Variants in GAK observed in about 807,000 individuals in gnomAD.
GAK encodes the protein cyclin-G-associated kinase.
In GAK, 79 loss-of-function variants were observed where a neutral mutation model predicts 143.9. The ratio of observed to expected loss-of-function variants is 0.55; its 90% CI spans 0.46 to 0.66. GAK has a LOEUF of 0.66. Among genes scored for constraint, GAK ranks in the 30% least tolerant of loss-of-function variants. The pLI is 0.00. For synonymous variants in GAK, 881 were observed against 765.5 expected, an observed-to-expected ratio of 1.15 and a Z score of -2.49; for missense variants, 1,693 against 1,779.7, an observed-to-expected ratio of 0.95 and a Z score of 0.88.
chr4:859,137 G>T (rs1560286977), intron 24 of GAK: 3 of 982,616 alleles, frequency 3.1e-6, no homozygotes, highest in Non-Finnish European at 3.6e-6. Context: ...CCCGGGGCCG[G>T]GCCTGAGGCA....
At chr4:898,677 C>T (rs971853157) in intron 5 of GAK, among the ~76,000 whole-genome samples, 15 of 152,288 alleles carry the variant, frequency 9.8e-5, no homozygotes, top group African/African-American at 3.6e-4. Context: ...GCCTGACCAA[C>T]ATGGTAAAAC....
intron 1 of GAK, among the ~76,000 whole-genome samples, chr4:925,811 G>A (rs1162870179): frequency 6.6e-6 from 1 of 152,238 alleles, no homozygotes; most frequent in African/African-American, 2.4e-5. Context: ...GCAGAGCCGT[G>A]AGGAATAAAC....
intron 20 of GAK, among the ~76,000 whole-genome samples, chr4:868,253 C>T (rs541576274): frequency 6.6e-6 from 1 of 152,276 alleles, no homozygotes; most frequent in South Asian, 2.1e-4. Flanking sequence ...CCAGCATGGC[C>T]CATGCTGCCA....
rs187173026 is a variant in GAK, at chr4:910,001, G to C, written c.382+1672C>G. Among the ~76,000 whole-genome samples, 331 of 152,154 alleles carry C rather than the reference G, an allele frequency of 2.2e-3. 2 individuals are homozygous for C. Among genetic ancestry groups the C allele is most frequent in the African/African-American group, 7.6e-3 (317 of 41,522 alleles). On this transcript the variant is annotated intron_variant, in intron 4 of 27. Coordinates refer to ENST00000314167, the MANE Select transcript of GAK (RefSeq NM_005255.4). ...CGCCACCCACGTCAGGACAACCCTGGCAACAGGCGCTGGAGGGCCGCAGAG... is the reference window on the plus strand; with the variant it reads ...CGCCACCCACGTCAGGACAACCCTGCCAACAGGCGCTGGAGGGCCGCAGAG...
rs1373426072 is a variant in GAK at position 883,314 on chromosome 4, C to T, written c.1404+1G>A. 3 of 1,613,004 alleles carry T rather than the reference C, an allele frequency of 1.9e-6. No homozygotes were observed. The highest frequency in any genetic ancestry group is 2.5e-6 in the Non-Finnish European group (3 of 1,179,878). The stretch of plus-strand genomic sequence containing the variant: ...CCAAGACAAAGCCTGTGGCCACACA[C>T]CCGGTTGTGGAACCTGGAGGGCCGG... On this transcript the variant is annotated splice_donor_variant, in intron 13 of 27. Transcript: ENST00000314167. LOFTEE classifies it high-confidence loss of function.
intron 4 of GAK, among the ~76,000 whole-genome samples, chr4:910,223 A>C (rs1009116767): frequency 2.6e-5 from 4 of 152,052 alleles, no homozygotes; most frequent in African/African-American, 7.2e-5. Flanking sequence ...CTTACACCCC[A>C]CAGTCCACCC....
chr4:914,413 C>CCA (rs1376191642), intron 1 of GAK, among the ~76,000 whole-genome samples: 3 of 120,034 alleles, frequency 2.5e-5, no homozygotes, highest in Admixed American at 8.2e-5. Flanking sequence ...ACACAGAGCC[C>CCA]CACACACACA....
chr4:872,348 C>G (rs1010941314), intron 18 of GAK: 4 of 152,272 alleles, frequency 2.6e-5, no homozygotes, highest in Non-Finnish European at 5.9e-5. Flanking sequence ...CTGATGTGCA[C>G]TCCAGCCGGG....
intron 24 of GAK, among the ~76,000 whole-genome samples, chr4:855,328 A>G (rs1257579926): frequency 1.3e-5 from 2 of 149,578 alleles, no homozygotes; most frequent in Non-Finnish European, 3.0e-5. Flanking sequence ...CTAAATGTTT[A>G]TTTTTTCTAA....
At chr4:908,964 C>T (rs904147046) in intron 4 of GAK, among the ~76,000 whole-genome samples, 2 of 152,096 alleles carry the variant, frequency 1.3e-5, no homozygotes, top group Admixed American at 1.3e-4. Flanking sequence ...CTCAGCCTCC[C>T]GAGTAGCTGG....
intron 5 of GAK, among the ~76,000 whole-genome samples, chr4:900,484 C>T (rs546442552): frequency 3.9e-4 from 59 of 152,340 alleles, no homozygotes; most frequent in African/African-American, 1.4e-3. Context: ...CCTTCTGTTT[C>T]TGTTCTCCTT....
chr4:851,455 C>G, intron 25 of GAK: 1 of 529,350 alleles, frequency 1.9e-6, no homozygotes, highest in South Asian at 2.3e-5. Context: ...CCCCCGGGAA[C>G]AGGGCTACCA....
Position 876,936 on chromosome 4 carries a change from G to T in GAK, c.1974+154C>A, listed in dbSNP as rs532298168. Among the ~76,000 whole-genome samples, 325 of 152,368 alleles carry T rather than the reference G, an allele frequency of 2.1e-3. 2 individuals are homozygous for T. Among genetic ancestry groups the T allele is most frequent in the Admixed American group, 4.6e-3 (70 of 15,314 alleles). The stretch of plus-strand genomic sequence containing the variant: ...GTCAAGTGCACGGGGCAAGCAGGGG[G>T]CGCTGTGGGGCAGTCGCCACATGAG... On this transcript the variant is annotated intron_variant, in intron 17 of 27. Coordinates refer to ENST00000314167, the MANE Select transcript of GAK (RefSeq NM_005255.4).
At position 859,611 on chromosome 4, in the gene GAK, A is replaced by G; in HGVS notation, c.3278T>C (p.Leu1093Pro). The change falls in exon 24 of 28, where the codon CTC becomes CCC. Residue 1093 changes from leucine (L) to proline (P), a missense_variant. Leu to Pro is a moderately conservative substitution (Grantham distance 98). Around this residue, in one of 2 missense-constraint regions of GAK, gnomAD observed 822 missense variants for 788.7 expected, o/e 1.04. Transcript: ENST00000314167. ...FADLGDLSSG[L>P]QGSPAGFPPG... Reference sequence around the variant, plus strand: ...CAAAGTGCCCTCCACGTTACCTTGGAGGCCGGAGCTGAGGTCGCCAAGGTC... The same window carrying G: ...CAAAGTGCCCTCCACGTTACCTTGGGGGCCGGAGCTGAGGTCGCCAAGGTC... 1 of 1,596,168 alleles carries G rather than the reference A, an allele frequency of 6.3e-7. No individual in the cohort carries two copies. Among genetic ancestry groups the G allele is most frequent in the Non-Finnish European group, 8.6e-7 (1 of 1,165,090 alleles).
Position 893,404 on chromosome 4 carries a change from G to C in GAK, c.963C>G (p.Asn321Lys). ...CTGTGATGGGAGACTTGGGGTTCAC[G>C]TTGCGGGCGGCCGCGATCTCCTGCA... is the stretch of plus-strand genomic sequence containing the variant. ...HQLQEIAAAR[N>K]VNPKSPITEL... is the part of the protein sequence containing the mutation. Residue 321 changes from asparagine to lysine, a missense_variant, in exon 9 of 28, where the codon AAC becomes AAG. Asn to Lys is a moderately conservative substitution (Grantham distance 94). Coordinates refer to ENST00000314167, the MANE Select transcript of GAK (RefSeq NM_005255.4). 1 of 1,588,198 alleles carries C rather than the reference G, an allele frequency of 6.3e-7. No individual in the cohort carries two copies. Among genetic ancestry groups the C allele is most frequent in the South Asian group, 1.1e-5 (1 of 88,144 alleles).
Position 893,504 on chromosome 4 carries a change from C to G in GAK, c.878-15G>C, listed in dbSNP as rs1311864495. 1 of 1,539,598 alleles carries G rather than the reference C, an allele frequency of 6.5e-7. No homozygotes were observed. Among genetic ancestry groups the G allele is most frequent in the Admixed American group, 2.0e-5 (1 of 50,392 alleles). On this transcript the variant is annotated splice_polypyrimidine_tract_variant and intron_variant, in intron 8 of 27. Transcript: ENST00000314167. Reference sequence around the variant, plus strand: ...CAGCATGGCGCCTGCAGCAGAAGCACAGCGCGCTCGGCCCCACGGTTCCCC... The same window carrying G: ...CAGCATGGCGCCTGCAGCAGAAGCAGAGCGCGCTCGGCCCCACGGTTCCCC...
intron 5 of GAK, among the ~76,000 whole-genome samples, chr4:900,766 C>T (rs1405492851): frequency 6.6e-6 from 1 of 152,138 alleles, no homozygotes; most frequent in Non-Finnish European, 1.5e-5. Context: ...ACCCTGTGTG[C>T]TGGGCAGAAT....
At chr4:916,638 G>A (rs1381681086) in intron 1 of GAK, among the ~76,000 whole-genome samples, 1 of 152,112 alleles carries the variant, frequency 6.6e-6, no homozygotes, top group African/African-American at 2.4e-5. Flanking sequence ...GACTTAAACC[G>A]CGAAGATAGG....
At chr4:897,409 C>T (rs1002223215) in intron 6 of GAK, among the ~76,000 whole-genome samples, 1 of 152,194 alleles carries the variant, frequency 6.6e-6, no homozygotes, top group Non-Finnish European at 1.5e-5. Context: ...GCTACCAATG[C>T]AAGACACAAG....
Sources: allele counts gnomAD v4.1 joint callset (sites outside exome capture counted in the v4.1 genomes callset), GRCh38; gene constraint gnomAD v4.1.1; regional missense constraint gnomAD v4.1.1; transcripts MANE v1.5; gene names NCBI Gene and HGNC (gene_info 2026-07-23, HGNC 2026-07-21).